CASR: variants seen among roughly 807,000 people sequenced by gnomAD.
CASR encodes extracellular calcium-sensing receptor.
A neutral mutation model predicts 69.1 loss-of-function variants in CASR; 23 were observed. The observed-to-expected ratio is 0.33, with a 90% CI of 0.24 to 0.47. The LOEUF (loss-of-function observed/expected upper bound fraction) is 0.47. Among genes scored for constraint, CASR ranks in the 20% least tolerant of loss-of-function variants. The probability of loss-of-function intolerance (pLI) is 1.00; values close to 1 mark genes in which losing one functional copy is unlikely to be tolerated. For synonymous variants in CASR, 541 were observed against 544.7 expected (o/e 0.99, Z 0.10); for missense variants, 924 against 1,356.1 (o/e 0.68, Z 5.00).
intron 1 of CASR, among the ~76,000 whole-genome samples, chr3:122,227,398 G>C (rs536301352): frequency 1.3e-5 from 2 of 152,192 alleles, no homozygotes; most frequent in Non-Finnish European, 2.9e-5. Flanking sequence ...GTGAGAAGTC[G>C]AGCACAGCAG....
rs981580418 is a variant in CASR at position 122,194,991 on chromosome 3, C to T, written c.-243+11179C>T. On this transcript the variant is annotated intron_variant, in intron 1 of 6. Coordinates refer to ENST00000639785, the MANE Select transcript of CASR (RefSeq NM_000388.4). ...TTTCTTCTTCTTACTTTTTCCTCCT[C>T]CTCCTCCTACTTCCTGCTCCTCCTC... Among the ~76,000 whole-genome samples the T allele has an allele frequency of 5.5e-5, 7 of 127,864 alleles. No homozygotes were observed. The Admixed American group carries it at 5.7e-4, about 10-fold the overall frequency. The allele number at this position is 127,864 out of a possible 152,430, so 83.9% of individuals were successfully genotyped here.
intron 4 of CASR, among the ~76,000 whole-genome samples, chr3:122,268,005 A>G (rs1282632099): frequency 6.6e-6 from 1 of 152,296 alleles, no homozygotes; most frequent in Admixed American, 6.5e-5. Context: ...TAGATGTCTA[A>G]TTTCACTCCT....
Position 122,209,318 on chromosome 3 carries a change from A to G in CASR, c.-243+25506A>G, listed in dbSNP as rs1002966708. On this transcript the variant is annotated intron_variant, in intron 1 of 6. Coordinates refer to ENST00000639785, the MANE Select transcript of CASR (RefSeq NM_000388.4). ...AGAGGTACAAAGAGGAGCTGGTACC[A>G]TTTCTTCTGAAACTATTCCAAACAA... Among the ~76,000 whole-genome samples, 2 of 152,202 alleles carry G rather than the reference A, an allele frequency of 1.3e-5. 1 individual carries two copies. The highest frequency in any genetic ancestry group is 2.9e-5 in the Non-Finnish European group (2 of 68,030).
In CASR at chr3:122,282,501, T is replaced by C. The variant is rs546261552; in HGVS notation, c.1732+265T>C. On this transcript the variant is annotated intron_variant, in intron 6 of 6. Transcript: ENST00000639785. ...ATTGTCGGCCAATATATTTCCTTTT[T>C]GTTAGAGTTTAGTGGCCCTGCATGG... 2.6e-5 allele frequency among the ~76,000 whole-genome samples: 4 copies of C among 152,354 alleles called. No individual in the cohort carries two copies. In the East Asian group the frequency reaches 7.7e-4, roughly 29 times the overall value.
At chr3:122,199,320 T>C (rs774348742) in intron 1 of CASR, among the ~76,000 whole-genome samples, 31 of 152,260 alleles carry the variant, frequency 2.0e-4, no homozygotes, top group Non-Finnish European at 3.8e-4. Context: ...GTGCTTATTA[T>C]ATAGTTCTTC....
intron 1 of CASR, among the ~76,000 whole-genome samples, chr3:122,214,892 A>G (rs1295291165): frequency 1.4e-5 from 1 of 70,556 alleles, no homozygotes; most frequent in African/African-American, 4.5e-5. Flanking sequence ...ATGATAAATG[A>G]CTTGCTTTTC....
Position 122,276,027 on chromosome 3 carries a change from T to C in CASR, c.1593T>C (p.Ser531=). The change falls in exon 5 of 7, where the codon AGT becomes AGC. Residue 531 remains serine (S), a synonymous_variant. Transcript: ENST00000639785. ...LFINEEKILW[S]GFSREVPFSN... ...TCAACGAGGAGAAAATCCTGTGGAG[T>C]GGGTTCTCCAGGGAGGTAGGTGCTG... 6.2e-7 allele frequency: 1 copy of C among 1,609,806 alleles called. No homozygotes were observed. The highest frequency in any genetic ancestry group is 8.5e-7 in the Non-Finnish European group (1 of 1,176,364).
intron 1 of CASR, among the ~76,000 whole-genome samples, chr3:122,243,808 A>G (rs1295062519): frequency 6.6e-6 from 1 of 152,110 alleles, no homozygotes; most frequent in East Asian, 1.9e-4. Context: ...GGATACAAAA[A>G]ATGTGTTACA....
In CASR at chr3:122,262,008, G is replaced by C. The variant is rs778100486; in HGVS notation, c.973G>C (p.Gly325Arg). 3 of 1,614,200 alleles carry C rather than the reference G, an allele frequency of 1.9e-6. No individual in the cohort carries two copies. The highest frequency in any genetic ancestry group is 2.5e-6 in the Non-Finnish European group (3 of 1,180,036). Reference protein sequence around the residue: ...GGTIGFALKAGQIPGFREFLK... With the variant: ...GGTIGFALKARQIPGFREFLK... ...CACCATTGGATTCGCTCTGAAGGCT[G>C]GGCAGATCCCAGGCTTCCGGGAATT... Residue 325 changes from glycine to arginine, a missense_variant, in exon 4 of 7, where the codon GGG becomes CGG. This residue lies in a region of CASR where 310 missense variants were observed against 395.7 expected (regional missense o/e 0.78). Transcript: ENST00000639785.
intron 1 of CASR, among the ~76,000 whole-genome samples, chr3:122,252,676 G>A (rs1160473934): frequency 6.6e-6 from 1 of 151,868 alleles, no homozygotes; most frequent in Non-Finnish European, 1.5e-5. Context: ...TAAATATGAA[G>A]GACAATGATG....
intron 1 of CASR, among the ~76,000 whole-genome samples, chr3:122,209,606 C>T (rs1011589515): frequency 7.2e-5 from 11 of 152,118 alleles, no homozygotes; most frequent in African/African-American, 2.7e-4. Flanking sequence ...GAAAGACCTG[C>T]CCCCATGATT....
chr3:122,211,689 C>T (rs1349235478), intron 1 of CASR, among the ~76,000 whole-genome samples: 2 of 152,164 alleles, frequency 1.3e-5, no homozygotes, highest in East Asian at 3.9e-4. Context: ...GCCTGGGTAA[C>T]AGAGTGAGAC....
At chr3:122,283,203 T>G (rs946093237) in intron 6 of CASR, among the ~76,000 whole-genome samples, 2 of 152,238 alleles carry the variant, frequency 1.3e-5, no homozygotes, top group Admixed American at 6.5e-5. Flanking sequence ...GATATGTTCA[T>G]TTGCCTCACT....
intron 1 of CASR, among the ~76,000 whole-genome samples, chr3:122,190,317 T>C (rs2073827322): frequency 6.6e-6 from 1 of 152,196 alleles, no homozygotes; most frequent in Non-Finnish European, 1.5e-5. Context: ...TTTCACACTC[T>C]TAAAAATGAA....
At chr3:122,224,000 T>TA (rs1306469288) in intron 1 of CASR, among the ~76,000 whole-genome samples, 1 of 152,094 alleles carries the variant, frequency 6.6e-6, no homozygotes, top group African/African-American at 2.4e-5. Flanking sequence ...CCCTTCATAT[T>TA]AAAAAACCCT....
At chr3:122,237,418 A>T (rs923766236) in intron 1 of CASR, among the ~76,000 whole-genome samples, 1 of 152,164 alleles carries the variant, frequency 6.6e-6, no homozygotes, top group African/African-American at 2.4e-5. Flanking sequence ...GTGTCTTTAA[A>T]ATTCCACAGA....
rs1461848349 is a variant in CASR, at chr3:122,209,283, G to C, written c.-243+25471G>C. Among the ~76,000 whole-genome samples, 6 of 152,284 alleles carry C rather than the reference G, an allele frequency of 3.9e-5. No homozygotes were observed. The South Asian group carries it at 6.2e-4, about 16-fold the overall frequency. On this transcript the variant is annotated intron_variant, in intron 1 of 6. Coordinates refer to ENST00000639785, the MANE Select transcript of CASR (RefSeq NM_000388.4). ...CCCAGGACCAGAAGGATTTACAGCT[G>C]AATTCTACCAGAGGTACAAAGAGGA...
intron 1 of CASR, among the ~76,000 whole-genome samples, chr3:122,200,646 G>T (rs1450190909): frequency 6.6e-6 from 1 of 152,284 alleles, no homozygotes; most frequent in Admixed American, 6.5e-5. Flanking sequence ...TTCTGTCAGT[G>T]GAGCAGTTGG....
chr3:122,236,445 T>C (rs570450306), intron 1 of CASR, among the ~76,000 whole-genome samples: 1 of 152,306 alleles, frequency 6.6e-6, no homozygotes, highest in African/African-American at 2.4e-5. Context: ...GACATGTTCC[T>C]TCAAAAATGG....
Sources: allele counts gnomAD v4.1 joint callset (sites outside exome capture counted in the v4.1 genomes callset), GRCh38; gene constraint gnomAD v4.1.1; regional missense constraint gnomAD v4.1.1; transcripts MANE v1.5; gene names NCBI Gene and HGNC (gene_info 2026-07-23, HGNC 2026-07-21).